PHC2: variants seen among roughly 807,000 people sequenced by gnomAD.
PHC2 encodes polyhomeotic-like protein 2.
Under a neutral mutation model 87.4 loss-of-function variants are expected in PHC2, and 29 were observed. That is an observed-to-expected ratio of 0.33 (90% CI 0.25 to 0.45). PHC2 has a LOEUF of 0.45. Among genes scored for constraint, PHC2 ranks in the 20% least tolerant of loss-of-function variants. The probability of loss-of-function intolerance (pLI) is 1.00; values close to 1 mark genes in which losing one functional copy is unlikely to be tolerated. For missense variants in PHC2, 857 were observed against 1,136.7 expected (o/e 0.75, Z 3.54); for synonymous variants, 438 against 461.7 (o/e 0.95, Z 0.66).
At position 33,346,200 on chromosome 1, in the gene PHC2, C is replaced by T. The variant is rs369633099; in HGVS notation, c.1558+8201G>A. The T allele has an allele frequency of 6.1e-4, 601 of 984,792 alleles. 5 individuals are homozygous for T. In the African/African-American group the frequency reaches 0.01, roughly 16 times the overall value. 61.0% of individuals were successfully genotyped at this position (984,792 alleles called of 1,614,324 possible). ...GACTGCATAACGCAGTCAGTTCTCA[C>T]CCTGCTTTCCCATAGGGCTGGGGAC... On this transcript the variant is annotated intron_variant, in intron 9 of 14. Transcript: ENST00000683057.
intron 1 of PHC2, among the ~76,000 whole-genome samples, chr1:33,423,206 A>G (rs1472656960): frequency 6.6e-6 from 1 of 152,218 alleles, no homozygotes; most frequent in Non-Finnish European, 1.5e-5. Flanking sequence ...ACTCTAGCAC[A>G]TTGAAGTATT....
In PHC2 at chr1:33,349,903, G is replaced by T. The variant is rs984821680; in HGVS notation, c.1558+4498C>A. 3 of 975,628 alleles carry T rather than the reference G, an allele frequency of 3.1e-6. No individual in the cohort carries two copies. Among genetic ancestry groups the T allele is most frequent in the African/African-American group, 3.6e-5 (2 of 56,004 alleles). The allele number at this position is 975,628 out of a possible 1,614,324, so 60.4% of individuals were successfully genotyped here. A position where few individuals can be genotyped will look rare whatever the true frequency, so the allele number is the denominator to read the frequency against. ...GCAGCCGCCGCGGAGACAATGCGGCGAGTCTGGGACGGCTCCCGCGGCCGC... is the reference window on the plus strand; with the variant it reads ...GCAGCCGCCGCGGAGACAATGCGGCTAGTCTGGGACGGCTCCCGCGGCCGC... On this transcript the variant is annotated intron_variant, in intron 9 of 14. Transcript: ENST00000683057. The surrounding 1 kb of genome is among the most constrained non-coding windows in gnomAD (Gnocchi z 4.2).
rs1326239850 is a variant in PHC2 at position 33,330,358 on chromosome 1, G to A, written c.2007-146C>T. On this transcript the variant is annotated intron_variant, in intron 12 of 14. Coordinates refer to ENST00000683057, the MANE Select transcript of PHC2 (RefSeq NM_001385109.1). ...CTCCATCACTAACTACTAGCTGTGT[G>A]ACTTTGGGTTTAAGTCACTTAAGCC... The A allele has an allele frequency of 3.6e-6, 3 of 835,750 alleles. No homozygotes were observed. In the African/African-American group the frequency reaches 5.1e-5, roughly 14 times the overall value. 51.8% of individuals were successfully genotyped at this position (835,750 alleles called of 1,614,324 possible).
chr1:33,389,511 C>G (rs1036662163), intron 1 of PHC2, among the ~76,000 whole-genome samples: 1 of 152,128 alleles, frequency 6.6e-6, no homozygotes, highest in African/African-American at 2.4e-5. Context: ...AAGGGCCCAG[C>G]CCTTCCCAGG....
intron 9 of PHC2, chr1:33,335,115 G>T: frequency 2.4e-6 from 2 of 832,022 alleles, no homozygotes; most frequent in Non-Finnish European, 1.4e-6. Flanking sequence ...GGGCCTGCTA[G>T]CCTTCCTCTA....
chr1:33,342,648 G>C (rs1447878161), intron 9 of PHC2, among the ~76,000 whole-genome samples: 1 of 152,096 alleles, frequency 6.6e-6, no homozygotes, highest in East Asian at 1.9e-4. Flanking sequence ...AGCAGCACCT[G>C]CAGGACCAGA....
intron 1 of PHC2, among the ~76,000 whole-genome samples, chr1:33,376,652 C>T (rs927855223): frequency 2.6e-5 from 4 of 152,094 alleles, no homozygotes; most frequent in Admixed American, 6.6e-5. Flanking sequence ...CAGAGAAGGC[C>T]GGGTGCGGTG....
chr1:33,410,363 C>A (rs1247619451), intron 1 of PHC2, among the ~76,000 whole-genome samples: 1 of 152,172 alleles, frequency 6.6e-6, no homozygotes, highest in African/African-American at 2.4e-5. Context: ...TCCATGGGAA[C>A]GTAACAGACA....
intron 14 of PHC2, among the ~76,000 whole-genome samples, chr1:33,327,212 T>G (rs1249913755): frequency 6.6e-6 from 1 of 152,168 alleles, no homozygotes; most frequent in African/African-American, 2.4e-5. Context: ...GGCATGTCTG[T>G]AATGGTTATC....
intron 1 of PHC2, among the ~76,000 whole-genome samples, chr1:33,418,329 T>C (rs373979612): frequency 8.0e-5 from 12 of 150,638 alleles, no homozygotes; most frequent in South Asian, 6.4e-4. Flanking sequence ...TCTAGCCAGA[T>C]TGATCAGAAA....
intron 14 of PHC2, 106 bp from the exon 15 acceptor site, chr1:33,325,125 C>A (rs1454337652): frequency 8.8e-7 from 1 of 1,134,630 alleles, no homozygotes; most frequent in African/African-American, 1.6e-5. Flanking sequence ...TCCATTATTT[C>A]TTTTAGTCCT....
intron 1 of PHC2, among the ~76,000 whole-genome samples, chr1:33,400,570 T>C (rs1281994724): frequency 9.2e-5 from 14 of 152,160 alleles, no homozygotes; most frequent in Admixed American, 1.3e-4. Context: ...ATATTATAAA[T>C]GAGGAAAATG....
At position 33,362,385 on chromosome 1, in the gene PHC2, GGAA is replaced by G. The variant is rs377409673; in HGVS notation, c.976+4728_976+4730del. On this transcript the variant is annotated intron_variant, in intron 7 of 14. Transcript: ENST00000683057. ...CTGGTAGAGGGGGCCTTTCCAGAGA[GGAA>G]GATGCATGGTTTTTGTTTTACAAAT... Among the ~76,000 whole-genome samples, 1,252 of 152,256 alleles carry G rather than the reference GGAA, an allele frequency of 8.2e-3. 7 individuals carry two copies. The highest frequency in any genetic ancestry group is 0.027 in the South Asian group (131 of 4,818).
chr1:33,367,480 AG>A (rs1557836076), intron 6 of PHC2, 52 bp from the exon 7 acceptor site: 1 of 1,369,314 alleles, frequency 7.3e-7, no homozygotes, highest in Non-Finnish European at 1.0e-6. Flanking sequence ...GAGCAATGCC[AG>A]TATACAACTA....
intron 1 of PHC2, among the ~76,000 whole-genome samples, chr1:33,408,447 T>TC (rs1649851078): frequency 1.3e-5 from 1 of 77,738 alleles, no homozygotes; most frequent in South Asian, 4.5e-4. Context: ...TTTTAGTAGT[T>TC]TTTTTGTTTT....
chr1:33,416,477 G>A (rs1278992801), intron 1 of PHC2, among the ~76,000 whole-genome samples: 1 of 150,808 alleles, frequency 6.6e-6, no homozygotes, highest in East Asian at 1.9e-4. Flanking sequence ...TCGGGAGGCT[G>A]AGGCAGGAAA....
At chr1:33,328,158 C>T (rs1646411871) in intron 14 of PHC2, among the ~76,000 whole-genome samples, 1 of 152,130 alleles carries the variant, frequency 6.6e-6, no homozygotes, top group African/African-American at 2.4e-5. Context: ...CCACTGAAGG[C>T]ATCTGTGAAT....
At chr1:33,330,740 A>C (rs939794351) in intron 12 of PHC2, among the ~76,000 whole-genome samples, 3 of 152,218 alleles carry the variant, frequency 2.0e-5, no homozygotes, top group Non-Finnish European at 4.4e-5. Flanking sequence ...TACAAAGACC[A>C]CACATGGCTT....
intron 9 of PHC2, chr1:33,346,475 G>A: frequency 1.0e-6 from 1 of 985,262 alleles, no homozygotes; most frequent in Non-Finnish European, 1.2e-6. Flanking sequence ...TGTCCTTTCA[G>A]AAGAGAATCT....
Sources: gnomAD v4.1 joint callset for allele counts (sites outside exome capture counted in the v4.1 genomes callset) on GRCh38, gnomAD v4.1.1 for gene constraint, Gnocchi (gnomAD v3.1) non-coding constraint, MANE v1.5 for transcripts, NCBI Gene and HGNC (gene_info 2026-07-23, HGNC 2026-07-21) for gene names.